The following EGF variants were observed in gnomAD, a reference collection of about 807,000 sequenced individuals.
EGF encodes pro-epidermal growth factor.
A neutral mutation model predicts 143.8 loss-of-function variants in EGF; 95 were observed. That is an observed-to-expected ratio of 0.66 (90% CI 0.56 to 0.78). EGF has a LOEUF of 0.78. EGF is among the 30% of genes least tolerant of loss of function. The pLI is 0.00. For synonymous variants in EGF, 510 were observed against 510.5 expected (o/e 1.00, Z 0.01); for missense variants, 1,320 against 1,470.9 (o/e 0.90, Z 1.68).
In EGF at chr4:109,980,023, G is replaced by A; in HGVS notation, c.2105G>A (p.Trp702Ter). The A allele has an allele frequency of 1.2e-6, 2 of 1,614,046 alleles. No homozygotes were observed. ...GAGGATTATGTGTGGTTCTCAGATT[G>A]GGCTATGCCATCAGTAATGAGAGTA... The part of the protein sequence containing the change: ...VFEDYVWFSD[W>*]AMPSVMRVNK... The change falls in exon 14 of 24, where the codon TGG (tryptophan) becomes TAG (stop). Residue 702 changes from tryptophan (W) to a stop codon, truncating the protein, a stop_gained. Coordinates refer to ENST00000265171, the MANE Select transcript of EGF (RefSeq NM_001963.6). LOFTEE classifies it high-confidence loss of function.
intron 10 of EGF, among the ~76,000 whole-genome samples, chr4:109,967,540 G>A (rs1746801331): frequency 6.6e-6 from 1 of 152,042 alleles, no homozygotes; most frequent in Admixed American, 6.6e-5. Context: ...GGTTTCATGT[G>A]AATTTTAGGA....
At chr4:109,992,296 T>A (rs1042507460) in intron 18 of EGF, 4 of 149,390 alleles carry the variant, frequency 2.7e-5, no homozygotes, top group African/African-American at 9.8e-5. Context: ...TTCATGAAAG[T>A]CCCCTTAAAC....
At chr4:109,987,453 GACAGAGTTTC>G (rs1464967306) in intron 16 of EGF, among the ~76,000 whole-genome samples, 1 of 152,032 alleles carries the variant, frequency 6.6e-6, no homozygotes, top group African/African-American at 2.4e-5. Context: ...TTTCAGTAGA[GACAGAGTTTC>G]ACCATGTTGC....
intron 16 of EGF, 136 bp downstream of exon 16, chr4:109,983,677 A>G: frequency 8.3e-7 from 1 of 1,199,140 alleles, no homozygotes; most frequent in Non-Finnish European, 1.2e-6. Flanking sequence ...CCTTGGACTC[A>G]AGTCTGTCTC....
At chr4:109,997,500 C>T (rs898130661) in intron 20 of EGF, among the ~76,000 whole-genome samples, 3 of 151,724 alleles carry the variant, frequency 2.0e-5, no homozygotes, top group African/African-American at 2.4e-5. Flanking sequence ...CTCGCTCTGT[C>T]GCCCAGGCTG....
At chr4:109,946,184 A>G (rs1158983367) in intron 5 of EGF, among the ~76,000 whole-genome samples, 1 of 152,224 alleles carries the variant, frequency 6.6e-6, no homozygotes, top group East Asian at 1.9e-4. Flanking sequence ...TAGTCTAAGC[A>G]GACAGGTACG....
chr4:109,983,334 C>T lies in EGF; in HGVS notation c.2372-88C>T, dbSNP rs6824759. ...GTAAGAATGAGTCTGAACTCACAAC[C>T]AATGAATAGTCGTAAACATAAATGA... On this transcript the variant is annotated intron_variant, in intron 15 of 23. Transcript: ENST00000265171. The T allele has an allele frequency of 4.7e-3, 6,898 of 1,460,576 alleles. 231 individuals are homozygous for T. In the African/African-American group the frequency reaches 0.075, roughly 16 times the overall value. The allele number at this position is 1,460,576 out of a possible 1,614,324, so 90.5% of individuals were successfully genotyped here.
chr4:109,934,872 A>G (rs2125985781), intron 1 of EGF, among the ~76,000 whole-genome samples: 1 of 152,206 alleles, frequency 6.6e-6, no homozygotes, highest in East Asian at 1.9e-4. Context: ...AGATGGTTGT[A>G]GATGTGTGGT....
At chr4:109,982,028 G>T (rs1447483929) in intron 15 of EGF, among the ~76,000 whole-genome samples, 2 of 151,118 alleles carry the variant, frequency 1.3e-5, no homozygotes, top group Non-Finnish European at 3.0e-5. Flanking sequence ...CCCCACCCAG[G>T]CTCAAATAGC....
chr4:109,985,031 A>G (rs1749934645), intron 16 of EGF, among the ~76,000 whole-genome samples: 2 of 152,242 alleles, frequency 1.3e-5, no homozygotes, highest in African/African-American at 4.8e-5. Context: ...GAACCTTTGC[A>G]AAGTCACCAG....
intron 5 of EGF, among the ~76,000 whole-genome samples, chr4:109,949,108 C>T (rs896473462): frequency 4.7e-4 from 72 of 152,030 alleles, no homozygotes; most frequent in African/African-American, 1.3e-3. Context: ...GCTCTATCGC[C>T]GAGGCTGGAG....
At chr4:109,960,003 C>T (rs1012805388) in intron 6 of EGF, among the ~76,000 whole-genome samples, 1 of 152,152 alleles carries the variant, frequency 6.6e-6, no homozygotes, top group African/African-American at 2.4e-5. Flanking sequence ...CCAATGGCTG[C>T]AGCACACATA....
intron 1 of EGF, among the ~76,000 whole-genome samples, chr4:109,930,643 A>G (rs1350500870): frequency 6.6e-6 from 1 of 152,164 alleles, no homozygotes; most frequent in African/African-American, 2.4e-5. Context: ...ACTAGCTCTC[A>G]TGAGTGTTTG....
intron 5 of EGF, among the ~76,000 whole-genome samples, chr4:109,946,141 A>C (rs1255396000): frequency 1.3e-5 from 2 of 152,196 alleles, no homozygotes; most frequent in African/African-American, 4.8e-5. Context: ...ATACATTTCA[A>C]ATGTCCACTT....
chr4:109,971,542 C>T (rs1323984551), intron 11 of EGF, among the ~76,000 whole-genome samples: 2 of 152,062 alleles, frequency 1.3e-5, no homozygotes, highest in Non-Finnish European at 2.9e-5. Context: ...ACCATGGTAC[C>T]GACTGCAGAG....
chr4:109,912,938 C>A lies in EGF; in HGVS notation c.-398C>A, dbSNP rs1735974667. ...TATCTCCATATTTCTTCTTTCAGCC[C>A]CAATCCAAGGGTTGTAGCTGGAACT... is the stretch of plus-strand genomic sequence containing the variant. On this transcript the variant is annotated 5_prime_UTR_variant, in exon 1 of 24. Coordinates refer to ENST00000265171, the MANE Select transcript of EGF (RefSeq NM_001963.6). The A allele has an allele frequency of 1.4e-5, 3 of 211,570 alleles. No individual in the cohort carries two copies. Among genetic ancestry groups the A allele is most frequent in the South Asian group, 1.6e-4 (2 of 12,450 alleles). 13.1% of individuals were successfully genotyped at this position (211,570 alleles called of 1,614,324 possible).
rs183087677 is a variant in EGF, at chr4:110,002,761, A to G, written c.3174-1744A>G. Reference sequence around the variant, plus strand: ...TGTTGTACAGATTATTTCATCACCCAGGTATTAAGCCCAGTACCCAACGGT... The same window carrying G: ...TGTTGTACAGATTATTTCATCACCCGGGTATTAAGCCCAGTACCCAACGGT... On this transcript the variant is annotated intron_variant, in intron 21 of 23. Coordinates refer to ENST00000265171, the MANE Select transcript of EGF (RefSeq NM_001963.6). 3.9e-3 allele frequency among the ~76,000 whole-genome samples: 598 copies of G among 152,174 alleles called. 5 individuals are homozygous for G. The highest frequency in any genetic ancestry group is 7.2e-3 in the Non-Finnish European group (490 of 68,010).
chr4:109,960,807 T>C (rs1745563430), intron 6 of EGF, 60 bp from the exon 7 acceptor site: 2 of 1,605,124 alleles, frequency 1.2e-6, no homozygotes, highest in South Asian at 1.1e-5. Flanking sequence ...TTATTAGTGA[T>C]AGCACAATTT....
rs566618797 is a variant in EGF at position 109,972,612 on chromosome 4, G to A, written c.1725-2091G>A. Reference sequence around the variant, plus strand: ...GTTCAAAAATATCTTCCACCCAGCAGTATCCTTCTTATGACCACTTCATCC... The same window carrying A: ...GTTCAAAAATATCTTCCACCCAGCAATATCCTTCTTATGACCACTTCATCC... On this transcript the variant is annotated intron_variant, in intron 11 of 23. Transcript: ENST00000265171. 3.1e-4 allele frequency among the ~76,000 whole-genome samples: 47 copies of A among 152,316 alleles called. 1 individual carries two copies. Among genetic ancestry groups the A allele is most frequent in the African/African-American group, 1.1e-3 (46 of 41,564 alleles).
Sources: allele counts gnomAD v4.1 joint callset (sites outside exome capture counted in the v4.1 genomes callset), GRCh38; gene constraint gnomAD v4.1.1; transcripts MANE v1.5; gene names NCBI Gene and HGNC (gene_info 2026-07-23, HGNC 2026-07-21).